MYO1C: variants seen among roughly 807,000 people sequenced by gnomAD.
The protein encoded by MYO1C is unconventional myosin-Ic.
Under a neutral mutation model 150.8 loss-of-function variants are expected in MYO1C, and 104 were observed. That is an observed-to-expected ratio of 0.69 (90% CI 0.59 to 0.81). The LOEUF is 0.81. Ranked by LOEUF, MYO1C falls within the 30% of genes least tolerant of loss-of-function variation. MYO1C has a pLI of 0.00. For missense variants in MYO1C, 1,504 were observed against 1,435.0 expected, an observed-to-expected ratio of 1.05 and a Z score of -0.78; for synonymous variants, 663 against 579.9, an observed-to-expected ratio of 1.14 and a Z score of -2.06.
rs758863072 is a variant in MYO1C at position 1,474,938 on chromosome 17, C to G, written c.1669G>C (p.Gly557Arg). Residue 557 changes from glycine to arginine, a missense_variant and splice_region_variant, in exon 15 of 32, where the codon GGG becomes CGG. Physicochemically the swap from Gly to Arg is moderately radical, Grantham distance 125. Coordinates refer to ENST00000648651, the MANE Select transcript of MYO1C (RefSeq NM_001080779.2). ...YAGEVTYSVT[G>R]FLDKNNDLLF... Reference sequence around the variant, plus strand: ...GGGGACACAGCCCCAGGATCCTCACCGGTCACGCTGTAGGTCACCTCCCCC... The same window carrying G: ...GGGGACACAGCCCCAGGATCCTCACGGGTCACGCTGTAGGTCACCTCCCCC... 4 of 1,600,322 alleles carry G rather than the reference C, an allele frequency of 2.5e-6. No homozygotes were observed.
In MYO1C at chr17:1,471,088, A is replaced by T. The variant is rs2074292893; in HGVS notation, c.2195T>A (p.Val732Asp). The change falls in exon 21 of 32, where the codon GTC becomes GAC. Residue 732 changes from valine (V) to aspartate (D), a missense_variant. Physicochemically the swap from Val to Asp is radical, Grantham distance 152 (BLOSUM62 -3). Transcript: ENST00000648651. ...TLFATEDALE[V>D]RRQSLATKIQ... is the part of the protein sequence containing the mutation. ...TCTCTCACCCAGGCTCTGCCGCCGG[A>T]CCTCCAGGGCATCCTCTGTGGCAAA... 1 of 1,613,866 alleles carries T rather than the reference A, an allele frequency of 6.2e-7. No individual in the cohort carries two copies. Among genetic ancestry groups the T allele is most frequent in the Admixed American group, 1.7e-5 (1 of 59,978 alleles).
In MYO1C at chr17:1,472,033, G is replaced by A. The variant is rs751653778; in HGVS notation, c.1904-9C>T. 6 of 1,613,666 alleles carry A rather than the reference G, an allele frequency of 3.7e-6. No homozygotes were observed. Among genetic ancestry groups the A allele is most frequent in the Admixed American group, 1.7e-5 (1 of 60,008 alleles). On this transcript the variant is annotated splice_polypyrimidine_tract_variant and intron_variant, in intron 18 of 31. Transcript: ENST00000648651. ...CACCTCGTCAAAGCGGCCTGGGGTA[G>A]GGGGAGCGCCGTGGTCAGCGGGCTG...
chr17:1,479,550 G>T lies in MYO1C; in HGVS notation c.1020+42C>A. The T allele has an allele frequency of 4.8e-6, 3 of 625,838 alleles. No individual in the cohort carries two copies. Among genetic ancestry groups the T allele is most frequent in the Admixed American group, 2.6e-5 (1 of 38,402 alleles). The allele number at this position is 625,838 out of a possible 1,614,324, so 38.8% of individuals were successfully genotyped here. A position where few individuals can be genotyped will look rare whatever the true frequency, so the allele number is the denominator to read the frequency against. ...CGGTGAGGGTGCACCCCCAGCCCCC[G>T]CCCCCGCCGTCCTCCCGTCGCCCTC... is the stretch of plus-strand genomic sequence containing the variant. On this transcript the variant is annotated intron_variant, in intron 8 of 31. Transcript: ENST00000648651. This position sits in a 1 kb window ranked among gnomAD's most constrained non-coding sequence, Gnocchi z 4.2.
chr17:1,483,562 T>C (rs900153104), intron 3 of MYO1C, 48 bp downstream of exon 3: 2 of 1,422,100 alleles, frequency 1.4e-6, no homozygotes, highest in South Asian at 1.2e-5. Context: ...CGGGGTCACC[T>C]CAGATGGAGA....
At position 1,492,554 on chromosome 17, in the gene MYO1C, C is replaced by T. The variant is rs2074747983; in HGVS notation, c.-67G>A. 2 of 1,467,028 alleles carry T rather than the reference C, an allele frequency of 1.4e-6. No individual in the cohort carries two copies. The highest frequency in any genetic ancestry group is 1.9e-5 in the Admixed American group (1 of 51,502). 90.9% of individuals were successfully genotyped at this position (1,467,028 alleles called of 1,614,324 possible). A position where few individuals can be genotyped will look rare whatever the true frequency, so the allele number is the denominator to read the frequency against. On this transcript the variant is annotated 5_prime_UTR_variant, in exon 1 of 32. Coordinates refer to ENST00000648651, the MANE Select transcript of MYO1C (RefSeq NM_001080779.2). ...TGAGCAAGAGCTGCCTGCCCACTGG[C>T]GGGCTCCGACCACTCCGGGACCAGG...
Position 1,472,972 on chromosome 17 carries a change from G to A in MYO1C, c.1798-744C>T, listed in dbSNP as rs139928969. Among the ~76,000 whole-genome samples, 1,237 of 152,240 alleles carry A rather than the reference G, an allele frequency of 8.1e-3. 19 individuals carry two copies. Among genetic ancestry groups the A allele is most frequent in the African/African-American group, 0.028 (1,181 of 41,534 alleles). On this transcript the variant is annotated intron_variant, in intron 17 of 31. Transcript: ENST00000648651. ...TCCCAGCACTTTGGGAGGCCGAGGC[G>A]GGCGGATCACCTGAGGTCAGGAGTT...
intron 1 of MYO1C, chr17:1,491,340 G>C (rs2074727561): frequency 6.6e-6 from 1 of 152,228 alleles, no homozygotes; most frequent in Admixed American, 6.6e-5. Context: ...CCCGAAGGGC[G>C]CGCAGGGTCC....
At chr17:1,470,757 C>T (rs767790061) in intron 21 of MYO1C, 68 bp from the exon 22 acceptor site, 19 of 1,490,306 alleles carry the variant, frequency 1.3e-5, no homozygotes, top group Admixed American at 5.4e-5. Flanking sequence ...GTGCCGTGTG[C>T]GCTCCACGAG....
intron 19 of MYO1C, 29 bp from the exon 20 acceptor site, chr17:1,471,365 C>A (rs368488478): frequency 1.3e-6 from 2 of 1,595,998 alleles, no homozygotes; most frequent in Non-Finnish European, 1.7e-6. Flanking sequence ...GCGGCTCCCA[C>A]CCCAGTCAGC....
intron 1 of MYO1C, among the ~76,000 whole-genome samples, chr17:1,485,528 C>T (rs940885213): frequency 6.6e-6 from 1 of 152,122 alleles, no homozygotes; most frequent in African/African-American, 2.4e-5. Flanking sequence ...CCGAGCGTCC[C>T]GCGCCGCCCT....
chr17:1,485,840 G>A (rs576935821), intron 1 of MYO1C: 5 of 417,492 alleles, frequency 1.2e-5, no homozygotes, highest in East Asian at 3.2e-4. Flanking sequence ...CCTGAAGCGC[G>A]GGGCTTCCCC....
At chr17:1,475,062 G>A (rs1269962613) in intron 14 of MYO1C, 30 bp from the exon 15 acceptor site, 1 of 1,548,108 alleles carries the variant, frequency 6.5e-7, no homozygotes, top group Admixed American at 2.0e-5. Context: ...AGCTGCAGAT[G>A]GCTGCCGGCC....
intron 1 of MYO1C, among the ~76,000 whole-genome samples, chr17:1,489,467 G>A (rs1457260494): frequency 1.3e-5 from 2 of 152,220 alleles, no homozygotes; most frequent in African/African-American, 2.4e-5. Context: ...TTGAGGCCAG[G>A]AGTTCAAGAC....
chr17:1,478,758 G>A lies in MYO1C; in HGVS notation c.1093-23C>T. 1 of 1,612,688 alleles carries A rather than the reference G, an allele frequency of 6.2e-7. No individual in the cohort carries two copies. The highest frequency in any genetic ancestry group is 1.8e-4 in the Middle Eastern group (1 of 5,508). ...GAGCTGTGGACGCAGCGTGAGACAA[G>A]GAGATGAATGCCACAGAGCCTGTGC... On this transcript the variant is annotated intron_variant, in intron 9 of 31. Coordinates refer to ENST00000648651, the MANE Select transcript of MYO1C (RefSeq NM_001080779.2). The surrounding 1 kb of genome is among the most constrained non-coding windows in gnomAD (Gnocchi z 6.3).
chr17:1,465,826 C>T (rs2074158722), intron 31 of MYO1C, 74 bp from the exon 32 acceptor site: 10 of 1,153,972 alleles, frequency 8.7e-6, no homozygotes, highest in South Asian at 6.9e-5. Context: ...CTTTTCTTTT[C>T]GTCCTTGTTT....
At chr17:1,477,423 G>T in intron 14 of MYO1C, 82 bp downstream of exon 14, 1 of 1,287,288 alleles carries the variant, frequency 7.8e-7, no homozygotes, top group Non-Finnish European at 1.1e-6. Flanking sequence ...CTGGTGTTTT[G>T]TGATGGCGGA....
At position 1,478,004 on chromosome 17, in the gene MYO1C, T is replaced by TGG; in HGVS notation, c.1402-35_1402-34dup. The TGG allele has an allele frequency of 6.2e-7, 1 of 1,612,674 alleles. No homozygotes were observed. Among genetic ancestry groups the TGG allele is most frequent in the South Asian group, 1.1e-5 (1 of 91,068 alleles). On this transcript the variant is annotated intron_variant, in intron 12 of 31. Transcript: ENST00000648651. This position sits in a 1 kb window ranked among gnomAD's most constrained non-coding sequence, Gnocchi z 6.3. ...GCAGAAGGGAAGGAAGGGATCACCG[T>TGG]GGGGTCCTGGCACCCTCTCCCAGGG...
intron 5 of MYO1C, among the ~76,000 whole-genome samples, chr17:1,481,728 C>T (rs145709228): frequency 7.7e-4 from 117 of 151,668 alleles, no homozygotes; most frequent in Middle Eastern, 3.4e-3. Context: ...CTTGAACTCC[C>T]GACCTCACGT....
At position 1,471,425 on chromosome 17, in the gene MYO1C, C is replaced by T. The variant is rs1002042305; in HGVS notation, c.2022-89G>A. ...GCTTTCTCTGGGCACCTGCTGGGTG[C>T]TCCCACTGACTCGTTCACAGCTAGC... On this transcript the variant is annotated intron_variant, in intron 19 of 31. Transcript: ENST00000648651. 3 of 1,020,296 alleles carry T rather than the reference C, an allele frequency of 2.9e-6. No homozygotes were observed. The African/African-American group carries it at 4.8e-5, about 16-fold the overall frequency. 63.2% of individuals were successfully genotyped at this position (1,020,296 alleles called of 1,614,324 possible).
Sources: gnomAD v4.1 joint callset for allele counts (sites outside exome capture counted in the v4.1 genomes callset) on GRCh38, gnomAD v4.1.1 for gene constraint, Gnocchi (gnomAD v3.1) non-coding constraint, MANE v1.5 for transcripts, NCBI Gene and HGNC (gene_info 2026-07-23, HGNC 2026-07-21) for gene names.